The following ERC1 variants were observed in gnomAD, a reference collection of about 807,000 sequenced individuals.
ERC1 encodes ELKS/RAB6-interacting/CAST family member 1, also known as RAB6 interacting protein 2.
ERC1 carries 56 observed loss-of-function variants against 132.0 expected under a neutral mutation model. That is an observed-to-expected ratio of 0.42 (90% confidence interval 0.34 to 0.53). ERC1 has a LOEUF of 0.53. Ranked by LOEUF, ERC1 falls within the 20% of genes least tolerant of loss-of-function variation. The pLI is 0.03. For missense variants in ERC1, 1,202 were observed against 1,349.9 expected (o/e 0.89, Z 1.72); for synonymous variants, 478 against 476.1 (o/e 1.00, Z -0.05).
At chr12:1,285,670 A>G (rs1020234185) in intron 14 of ERC1, among the ~76,000 whole-genome samples, 2 of 152,220 alleles carry the variant, frequency 1.3e-5, no homozygotes, top group South Asian at 2.1e-4. Context: ...TTTTCCTACA[A>G]ATTTCAAGCC....
chr12:1,310,910 C>T (rs1270334560), intron 15 of ERC1, among the ~76,000 whole-genome samples: 1 of 152,230 alleles, frequency 6.6e-6, no homozygotes, highest in African/African-American at 2.4e-5. Flanking sequence ...GAGAGTAGAA[C>T]AGGATGGACC....
intron 15 of ERC1, among the ~76,000 whole-genome samples, chr12:1,341,066 T>TTTC: frequency 3.1e-5 from 3 of 96,540 alleles, no homozygotes; most frequent in Admixed American, 1.2e-4. Context: ...TTCTTTTCTT[T>TTTC]TTCTTTTTTT....
intron 8 of ERC1, among the ~76,000 whole-genome samples, chr12:1,146,016 A>G (rs1950311128): frequency 6.6e-6 from 1 of 152,030 alleles, no homozygotes; most frequent in South Asian, 2.1e-4. Flanking sequence ...ATGCCTCCAC[A>G]TTTGTTCTTA....
chr12:1,239,980 C>T (rs1367074934), intron 13 of ERC1, among the ~76,000 whole-genome samples: 1 of 152,122 alleles, frequency 6.6e-6, no homozygotes, highest in African/African-American at 2.4e-5. Flanking sequence ...GGACCAGGAA[C>T]CACATTTTGA....
At position 1,494,830 on chromosome 12, in the gene ERC1, A is replaced by C. The variant is rs2094346273; in HGVS notation, c.*4600A>C. 1 of 230,404 alleles carries C rather than the reference A, an allele frequency of 4.3e-6. No individual in the cohort carries two copies. The highest frequency in any genetic ancestry group is 8.6e-6 in the Non-Finnish European group (1 of 116,304). The allele number at this position is 230,404 out of a possible 1,614,324, so 14.3% of individuals were successfully genotyped here. A position where few individuals can be genotyped will look rare whatever the true frequency, so the allele number is the denominator to read the frequency against. ...TGAAAAATTAAACAGCTGTGTTTTA[A>C]AAATGCAAACCAATATCTTGTTAAT... On this transcript the variant is annotated 3_prime_UTR_variant, in exon 19 of 19. Transcript: ENST00000360905.
chr12:1,126,986 CAAAAAAAAAAAAA>C (rs71055135), intron 7 of ERC1, among the ~76,000 whole-genome samples: 82,340 of 115,326 alleles, frequency 0.71, 27,007 homozygotes, highest in East Asian at 0.88. Context: ...GATTCTGTCT[CAAAAAAAAAAAAA>C]AAAAAAAAAA....
At chr12:1,156,920 C>T (rs1021501266) in intron 8 of ERC1, among the ~76,000 whole-genome samples, 16 of 151,894 alleles carry the variant, frequency 1.1e-4, no homozygotes, top group Non-Finnish European at 1.9e-4. Flanking sequence ...CTAGTAAATA[C>T]ATTGGTCTAT....
At chr12:1,045,511 T>TA (rs1170560222) in intron 2 of ERC1, among the ~76,000 whole-genome samples, 2 of 152,120 alleles carry the variant, frequency 1.3e-5, no homozygotes, top group South Asian at 4.1e-4. Context: ...CATTTATAGA[T>TA]ACCATCCTAG....
In ERC1 at chr12:1,400,328, C is replaced by CAT. The variant is rs2090911642; in HGVS notation, c.2926-7814_2926-7813dup. Among the ~76,000 whole-genome samples, 3 of 152,154 alleles carry CAT rather than the reference C, an allele frequency of 2.0e-5. 1 individual carries two copies. In the South Asian group the frequency reaches 6.2e-4, roughly 32 times the overall value. On this transcript the variant is annotated intron_variant, in intron 16 of 18. Transcript: ENST00000360905. ...AGAGTTCTAGACACAAGTCCTTTAT[C>CAT]ATATATATGATTTATAAATATGTTC...
At chr12:1,013,622 A>G (rs112652626) in intron 1 of ERC1, among the ~76,000 whole-genome samples, 3 of 152,316 alleles carry the variant, frequency 2.0e-5, no homozygotes, top group African/African-American at 7.2e-5. Context: ...AGGTTATACA[A>G]CTAGATGCGT....
chr12:1,227,656 C>T (rs561552715), intron 12 of ERC1, among the ~76,000 whole-genome samples: 4 of 152,244 alleles, frequency 2.6e-5, no homozygotes, highest in African/African-American at 9.6e-5. Flanking sequence ...TTTAGTTTGA[C>T]GCAGTCCCAT....
At chr12:1,125,830 A>G (rs192708031) in intron 7 of ERC1, among the ~76,000 whole-genome samples, 3 of 152,134 alleles carry the variant, frequency 2.0e-5, no homozygotes, top group African/African-American at 7.2e-5. Context: ...CAAAACAAAC[A>G]AAAAAAACAA....
rs1251709381 is a variant in ERC1, at chr12:1,112,290, C to T, written c.1393C>T (p.Gln465Ter). ...GCTGAAAAAGAAAGCGGCTGGTCTT[C>T]AGGCTGAGGTCTTTGCCGTAAGATT... ...EELKKKAAGL[Q>*]AEIGQVKQEL... The change falls in exon 6 of 19, where the codon CAG becomes TAG. Residue 465 changes from glutamine to a stop codon, truncating the protein, a stop_gained. Coordinates refer to ENST00000360905, the MANE Select transcript of ERC1 (RefSeq NM_178040.4). LOFTEE classifies it high-confidence loss of function. 2 of 1,612,252 alleles carry T rather than the reference C, an allele frequency of 1.2e-6. No individual in the cohort carries two copies. The highest frequency in any genetic ancestry group is 1.7e-4 in the Middle Eastern group (1 of 6,046).
chr12:1,049,729 T>G (rs926944638), intron 2 of ERC1, among the ~76,000 whole-genome samples: 5 of 151,822 alleles, frequency 3.3e-5, no homozygotes, highest in African/African-American at 1.2e-4. Context: ...ATCGGATGAT[T>G]TACCAGTGTT....
In ERC1 at chr12:1,445,374, C is replaced by T. The variant is rs562807368; in HGVS notation, c.3213+624C>T. On this transcript the variant is annotated intron_variant, in intron 18 of 18. Coordinates refer to ENST00000360905, the MANE Select transcript of ERC1 (RefSeq NM_178040.4). ...CCTTCCGGGTAGCTGGGACTACAGGCGCGTGCCAACATGCCCGGCTAGTTT... is the reference window on the plus strand; with the variant it reads ...CCTTCCGGGTAGCTGGGACTACAGGTGCGTGCCAACATGCCCGGCTAGTTT... 2.0e-5 allele frequency among the ~76,000 whole-genome samples: 3 copies of T among 152,008 alleles called. No homozygotes were observed. In the South Asian group the frequency reaches 6.3e-4, roughly 32 times the overall value.
chr12:1,172,442 T>A (rs529489088), intron 8 of ERC1, among the ~76,000 whole-genome samples: 1 of 152,208 alleles, frequency 6.6e-6, no homozygotes, highest in South Asian at 2.1e-4. Flanking sequence ...CACTTCAGCC[T>A]TGGTGACAGA....
chr12:1,184,413 T>C (rs893984791), intron 11 of ERC1, among the ~76,000 whole-genome samples: 30 of 152,208 alleles, frequency 2.0e-4, no homozygotes, highest in Non-Finnish European at 4.4e-5. Context: ...TATTTTTTGG[T>C]TTATAGCTTA....
intron 15 of ERC1, among the ~76,000 whole-genome samples, chr12:1,355,278 A>G (rs1026521646): frequency 6.6e-6 from 1 of 152,174 alleles, no homozygotes. Flanking sequence ...TAATTATTAT[A>G]TGTTATATGC....
chr12:1,150,475 C>A (rs1246746587), intron 8 of ERC1, among the ~76,000 whole-genome samples: 1 of 152,118 alleles, frequency 6.6e-6, no homozygotes, highest in Non-Finnish European at 1.5e-5. Context: ...GTGTTTTGAG[C>A]AGGTATTACC....
Sources: allele counts gnomAD v4.1 joint callset (sites outside exome capture counted in the v4.1 genomes callset), GRCh38; gene constraint gnomAD v4.1.1; transcripts MANE v1.5; gene names NCBI Gene and HGNC (gene_info 2026-07-23, HGNC 2026-07-21).